CDKAL1: variants seen among roughly 807,000 people sequenced by gnomAD.
CDKAL1 encodes CDKAL1 threonylcarbamoyladenosine tRNA methylthiotransferase.
CDKAL1 carries 32 observed loss-of-function variants against 68.2 expected under a neutral mutation model. The observed-to-expected ratio is 0.47, with a 90% CI of 0.35 to 0.63. The LOEUF (loss-of-function observed/expected upper bound fraction) is 0.63. Among genes scored for constraint, CDKAL1 ranks in the 30% least tolerant of loss-of-function variants. The pLI, the probability that CDKAL1 is intolerant of heterozygous loss-of-function variation, is 0.00. For missense variants in CDKAL1, 606 were observed against 696.7 expected (o/e 0.87, Z 1.47); for synonymous variants, 234 against 244.3 (o/e 0.96, Z 0.39).
At position 20,830,868 on chromosome 6, in the gene CDKAL1, G is replaced by A. The variant is rs543955235; in HGVS notation, c.639-15207G>A. 6.7e-4 allele frequency among the ~76,000 whole-genome samples: 102 copies of A among 151,998 alleles called. No individual in the cohort carries two copies. The Middle Eastern group carries it at 0.014, about 20-fold the overall frequency. On this transcript the variant is annotated intron_variant, in intron 8 of 15. Transcript: ENST00000274695. ...ACTAATTAGCTGAATCACTTGGTCT[G>A]CATTTCTTACATGTAAAATGAAAAG...
intron 10 of CDKAL1, among the ~76,000 whole-genome samples, chr6:20,994,487 A>G (rs1767000133): frequency 6.6e-6 from 1 of 152,208 alleles, no homozygotes; most frequent in Non-Finnish European, 1.5e-5. Flanking sequence ...AAAAAAGAAA[A>G]GAAAAGAGAA....
chr6:20,874,618 G>T (rs1450892304), intron 9 of CDKAL1, among the ~76,000 whole-genome samples: 2 of 152,100 alleles, frequency 1.3e-5, no homozygotes, highest in East Asian at 1.9e-4. Context: ...AGGTTCAAGC[G>T]ATTCTCTTGC....
At chr6:21,212,026 G>C (rs934281878) in intron 15 of CDKAL1, among the ~76,000 whole-genome samples, 2 of 152,156 alleles carry the variant, frequency 1.3e-5, no homozygotes, top group African/African-American at 4.8e-5. Context: ...CTCTTAGAGT[G>C]CTGGGATTAC....
chr6:20,564,479 T>C (rs1225077313), intron 4 of CDKAL1, among the ~76,000 whole-genome samples: 1 of 152,256 alleles, frequency 6.6e-6, no homozygotes, highest in Non-Finnish European at 1.5e-5. Flanking sequence ...GAGGTTATTT[T>C]TTTACATTTA....
intron 13 of CDKAL1, among the ~76,000 whole-genome samples, chr6:21,121,444 C>T (rs4438948): frequency 0.033 from 5,062 of 152,156 alleles, 394 homozygotes; most frequent in East Asian, 0.33. Context: ...ATTCACATAA[C>T]GCTAAGGAAA....
intron 13 of CDKAL1, among the ~76,000 whole-genome samples, chr6:21,161,691 C>A (rs1268232949): frequency 6.6e-6 from 1 of 152,194 alleles, no homozygotes; most frequent in African/African-American, 2.4e-5. Context: ...AAAATTCACT[C>A]TTCTGTAAAG....
At chr6:20,871,327 A>G (rs1468804776) in intron 9 of CDKAL1, among the ~76,000 whole-genome samples, 1 of 152,196 alleles carries the variant, frequency 6.6e-6, no homozygotes, top group South Asian at 2.1e-4. Flanking sequence ...ATTTCAAGAT[A>G]CCTGAAATAA....
At position 20,984,362 on chromosome 6, in the gene CDKAL1, T is replaced by G. The variant is rs1581963967; in HGVS notation, c.910-15865T>G. Among the ~76,000 whole-genome samples, 3 of 151,996 alleles carry G rather than the reference T, an allele frequency of 2.0e-5. No individual in the cohort carries two copies. The South Asian group carries it at 6.2e-4, about 32-fold the overall frequency. ...GGTGCAGGAGCTGGGGCAAGTGCTT[T>G]TGGGTGCTAGCAGGCAAAAATCTCC... On this transcript the variant is annotated intron_variant, in intron 10 of 15. Coordinates refer to ENST00000274695, the MANE Select transcript of CDKAL1 (RefSeq NM_017774.3).
intron 5 of CDKAL1, among the ~76,000 whole-genome samples, chr6:20,709,344 A>C (rs1771741553): frequency 6.6e-6 from 1 of 152,150 alleles, no homozygotes; most frequent in South Asian, 2.1e-4. Context: ...CCAAAAATCC[A>C]AAATCTGAAA....
intron 9 of CDKAL1, among the ~76,000 whole-genome samples, chr6:20,858,963 A>G (rs898528745): frequency 1.3e-5 from 2 of 152,140 alleles, no homozygotes; most frequent in African/African-American, 2.4e-5. Context: ...ATAAGTACAT[A>G]TATCACTGTA....
intron 10 of CDKAL1, among the ~76,000 whole-genome samples, chr6:20,956,916 A>G (rs1447347711): frequency 6.7e-6 from 1 of 149,120 alleles, no homozygotes; most frequent in Non-Finnish European, 1.5e-5. Flanking sequence ...GTGTGGGATG[A>G]TTATGATTTG....
intron 8 of CDKAL1, among the ~76,000 whole-genome samples, chr6:20,797,106 A>G (rs1325261188): frequency 6.6e-6 from 1 of 152,166 alleles, no homozygotes; most frequent in Admixed American, 6.6e-5. Context: ...AGGCTGGGAG[A>G]ACATATTTGC....
intron 10 of CDKAL1, among the ~76,000 whole-genome samples, chr6:20,975,996 T>G (rs896827293): frequency 6.6e-6 from 1 of 152,194 alleles, no homozygotes; most frequent in Non-Finnish European, 1.5e-5. Flanking sequence ...CTGAATAGTT[T>G]GACTGCTCTA....
At chr6:20,680,256 G>A (rs773499934) in intron 5 of CDKAL1, among the ~76,000 whole-genome samples, 1 of 151,924 alleles carries the variant, frequency 6.6e-6, no homozygotes, top group Non-Finnish European at 1.5e-5. Context: ...TAGTAGAGAC[G>A]GGGTTTTGCC....
chr6:20,999,166 T>G (rs570024175), intron 10 of CDKAL1, among the ~76,000 whole-genome samples: 1 of 152,364 alleles, frequency 6.6e-6, no homozygotes, highest in African/African-American at 2.4e-5. Context: ...ACTCCCTTTA[T>G]GACATTTTTA....
chr6:20,676,703 A>C (rs957015912), intron 5 of CDKAL1, among the ~76,000 whole-genome samples: 1 of 137,338 alleles, frequency 7.3e-6, no homozygotes, highest in Non-Finnish European at 1.5e-5. Flanking sequence ...ATAAATAAAT[A>C]AAATAAAATA....
intron 4 of CDKAL1, among the ~76,000 whole-genome samples, chr6:20,611,321 C>T (rs2127722461): frequency 6.6e-6 from 1 of 152,232 alleles, no homozygotes; most frequent in East Asian, 1.9e-4. Flanking sequence ...CCATTTCTGG[C>T]AATCCTGTTA....
At chr6:20,932,831 C>T (rs1488601501) in intron 9 of CDKAL1, among the ~76,000 whole-genome samples, 2 of 152,114 alleles carry the variant, frequency 1.3e-5, no homozygotes, top group South Asian at 2.1e-4. Context: ...CCTCATAGAA[C>T]CCTCCTAGGG....
chr6:20,748,971 G>GTATGTGTATATATATGTATATA (rs1561742884), intron 6 of CDKAL1, among the ~76,000 whole-genome samples: 3 of 140,070 alleles, frequency 2.1e-5, no homozygotes, highest in African/African-American at 7.9e-5. Flanking sequence ...ATATGTATAT[G>GTATGTGTATATATATGTATATA]TATGTGTATA....
Sources: allele counts gnomAD v4.1 joint callset (sites outside exome capture counted in the v4.1 genomes callset), GRCh38; gene constraint gnomAD v4.1.1; transcripts MANE v1.5; gene names NCBI Gene and HGNC (gene_info 2026-07-23, HGNC 2026-07-21).